The following KLF8 variants were observed in gnomAD, a reference collection of about 807,000 sequenced individuals.
KLF8 encodes Krueppel-like factor 8.
A neutral mutation model predicts 18.2 loss-of-function variants in KLF8; 10 were observed. The observed-to-expected ratio is 0.55, with a 90% CI of 0.34 to 0.93. KLF8 has a LOEUF of 0.93. Ranked by LOEUF, KLF8 falls within the 40% of genes least tolerant of loss-of-function variation. The probability of loss-of-function intolerance (pLI) is 0.02; values close to 1 mark genes in which losing one functional copy is unlikely to be tolerated. For missense variants in KLF8, 264 were observed against 277.9 expected, an observed-to-expected ratio of 0.95 and a Z score of 0.36; for synonymous variants, 109 against 97.3, an observed-to-expected ratio of 1.12 and a Z score of -0.71.
chrX:56,128,800 A>AAAAC, the KLF8 span, among the ~76,000 whole-genome samples: 1 of 112,238 alleles, frequency 8.9e-6, no homozygotes, highest in Non-Finnish European at 1.9e-5. Context: ...AGAACAAAGC[A>AAAAC]AAACAAACAA....
the KLF8 span, among the ~76,000 whole-genome samples, chrX:56,048,013 G>A: frequency 8.9e-6 from 1 of 111,864 alleles, no homozygotes. Flanking sequence ...TTCTCTGATG[G>A]CCAGTCATGA....
the KLF8 span, among the ~76,000 whole-genome samples, chrX:56,022,405 G>C: frequency 2.8e-5 from 3 of 107,783 alleles, no homozygotes; most frequent in African/African-American, 1.0e-4. Flanking sequence ...AATTAGCTGG[G>C]CATGGTGGTG....
Position 56,233,198 on chromosome X carries a change from C to G in KLF8, c.-137C>G, listed in dbSNP as rs765492250. ...GAGTGGGGGCCCAAGAACGAGAAGA[C>G]GAGAACGCGTCGCCCTGCGCTATGT... On this transcript the variant is annotated 5_prime_UTR_variant, in exon 1 of 6. Transcript: ENST00000468660. The G allele has an allele frequency of 4.2e-6, 3 of 716,492 alleles. No individual in the cohort carries two copies. The Admixed American group carries it at 8.0e-5, about 19-fold the overall frequency. 59.0% of individuals were successfully genotyped at this position (716,492 alleles called of 1,213,427 possible). A position where few individuals can be genotyped will look rare whatever the true frequency, so the allele number is the denominator to read the frequency against.
At chrX:56,163,102 A>G in the KLF8 span, among the ~76,000 whole-genome samples, 2 of 112,081 alleles carry the variant, frequency 1.8e-5, no homozygotes, top group African/African-American at 6.5e-5. Flanking sequence ...TTCTTCAGGT[A>G]TGTGCCCAGT....
chrX:56,059,554 T>C, the KLF8 span, among the ~76,000 whole-genome samples: 11 of 112,157 alleles, frequency 9.8e-5, no homozygotes, highest in African/African-American at 1.6e-4. Flanking sequence ...AGGGGTCCAG[T>C]TTCAGTTTTC....
the KLF8 span, among the ~76,000 whole-genome samples, chrX:56,133,627 C>T: frequency 1.8e-5 from 2 of 111,349 alleles, no homozygotes; most frequent in East Asian, 5.6e-4. Flanking sequence ...CCCACTCTCA[C>T]CACTTTTATT....
the KLF8 span, among the ~76,000 whole-genome samples, chrX:56,079,475 G>C: frequency 1.8e-5 from 2 of 111,779 alleles, no homozygotes; most frequent in East Asian, 5.6e-4. Context: ...TTAATCCTGA[G>C]TTCTAGTTTG....
At chrX:56,019,425 T>A in the KLF8 span, among the ~76,000 whole-genome samples, 1 of 112,692 alleles carries the variant, frequency 8.9e-6, no homozygotes, top group African/African-American at 3.2e-5. Flanking sequence ...CAGAAAATTT[T>A]TCGTTGACTG....
At chrX:55,923,705 C>T in the KLF8 span, among the ~76,000 whole-genome samples, 1 of 98,290 alleles carries the variant, frequency 1.0e-5, no homozygotes. Context: ...TAAAGATCCA[C>T]GTGTGTGTGT....
the KLF8 span, among the ~76,000 whole-genome samples, chrX:56,092,194 G>A: frequency 1.8e-5 from 2 of 110,935 alleles, no homozygotes; most frequent in Non-Finnish European, 3.8e-5. Flanking sequence ...GTTGAATTGA[G>A]TTTCTTGTAG....
chrX:56,250,266 CTT>C lies in KLF8; in HGVS notation c.44_45del (p.Leu15GlnfsTer24). ...DKLINNLEVQLNSEGGSMQVF... is the reference protein window; with the variant it reads ...DKLINNLEVQXNSEGGSMQVF... ...ACTCATAAACAACTTGGAGGTCCAA[CTT>C]AATTCAGAAGGTGGCTCAATGCAGG... On this transcript the variant is annotated frameshift_variant, in exon 2 of 6. Transcript: ENST00000468660. LOFTEE classifies it high-confidence loss of function. The C allele has an allele frequency of 8.3e-7, 1 of 1,208,628 alleles. No homozygotes were observed. Among genetic ancestry groups the C allele is most frequent in the Non-Finnish European group, 1.1e-6 (1 of 892,744 alleles).
At chrX:56,072,716 A>G in the KLF8 span, among the ~76,000 whole-genome samples, 1 of 111,870 alleles carries the variant, frequency 8.9e-6, no homozygotes, top group Non-Finnish European at 1.9e-5. Flanking sequence ...ATATAACAAA[A>G]TTTTGGCATT....
the KLF8 span, among the ~76,000 whole-genome samples, chrX:56,075,475 G>A: frequency 4.5e-5 from 5 of 111,616 alleles, no homozygotes; most frequent in African/African-American, 1.6e-4. Flanking sequence ...CATGGAACAT[G>A]AGATACTCAT....
At chrX:56,099,965 A>G in the KLF8 span, among the ~76,000 whole-genome samples, 1 of 112,376 alleles carries the variant, frequency 8.9e-6, no homozygotes, top group African/African-American at 3.2e-5. Context: ...GCTACATTAA[A>G]CAGCAGATTG....
chrX:56,122,262 A>G, the KLF8 span, among the ~76,000 whole-genome samples: 3 of 111,860 alleles, frequency 2.7e-5, no homozygotes, highest in Non-Finnish European at 3.8e-5. Flanking sequence ...AACATGCCAA[A>G]GTGAAAAAGT....
At chrX:55,994,114 G>A in the KLF8 span, among the ~76,000 whole-genome samples, 474 of 109,902 alleles carry the variant, frequency 4.3e-3, 5 homozygotes, top group African/African-American at 0.015. Context: ...GTTTCACCGC[G>A]TTAGCCAGGG....
At chrX:56,107,582 A>G in the KLF8 span, among the ~76,000 whole-genome samples, 1 of 111,764 alleles carries the variant, frequency 8.9e-6, no homozygotes, top group African/African-American at 3.3e-5. Context: ...GGAAAAGCAC[A>G]GTATTTGGAT....
At chrX:56,138,619 C>A in the KLF8 span, among the ~76,000 whole-genome samples, 1 of 111,039 alleles carries the variant, frequency 9.0e-6, no homozygotes, top group Non-Finnish European at 1.9e-5. Flanking sequence ...ATTCAACATC[C>A]CTTCATGTTG....
At chrX:56,003,491 G>A in the KLF8 span, among the ~76,000 whole-genome samples, 7 of 110,645 alleles carry the variant, frequency 6.3e-5, no homozygotes, top group Admixed American at 1.9e-4. Context: ...AGCTTTTGAA[G>A]GATTTTGATC....
Sources: gnomAD v4.1 joint callset for allele counts (sites outside exome capture counted in the v4.1 genomes callset) on GRCh38, gnomAD v4.1.1 for gene constraint, MANE v1.5 for transcripts, NCBI Gene and HGNC (gene_info 2026-07-23, HGNC 2026-07-21) for gene names.